SLC5A12: variants seen among roughly 807,000 people sequenced by gnomAD.
The protein encoded by SLC5A12 is solute carrier family 5 member 12, also known as sodium-coupled monocarboxylate transporter 2.
In SLC5A12, 46 loss-of-function variants were observed where a neutral mutation model predicts 72.7. That is an observed-to-expected ratio of 0.63 (90% CI 0.50 to 0.81). The LOEUF is 0.81. Ranked by LOEUF, SLC5A12 falls within the 30% of genes least tolerant of loss-of-function variation. The pLI, the probability that SLC5A12 is intolerant of heterozygous loss-of-function variation, is 0.00. For missense variants in SLC5A12, 683 were observed against 740.7 expected (o/e 0.92, Z 0.90); for synonymous variants, 275 against 264.4 (o/e 1.04, Z -0.39).
At chr11:26,681,254 T>G (rs937411343) in intron 11 of SLC5A12, 33 bp from the exon 12 acceptor site, 11 of 1,506,882 alleles carry the variant, frequency 7.3e-6, no homozygotes, top group Middle Eastern at 4.6e-4. Context: ...AATGGGAAAT[T>G]TGGCAAAGCT....
intron 4 of SLC5A12, among the ~76,000 whole-genome samples, chr11:26,707,924 G>A (rs377061173): frequency 4.6e-5 from 7 of 151,862 alleles, no homozygotes; most frequent in East Asian, 1.9e-4. Context: ...TGCATCACTG[G>A]AGTAAAACCA....
At chr11:26,677,244 C>T (rs756249889) in intron 13 of SLC5A12, among the ~76,000 whole-genome samples, 1 of 152,066 alleles carries the variant, frequency 6.6e-6, no homozygotes, top group Non-Finnish European at 1.5e-5. Context: ...TAAGACCTGG[C>T]TTATTTGGAG....
chr11:26,719,507 T>C (rs2133228345), intron 1 of SLC5A12, among the ~76,000 whole-genome samples: 1 of 152,290 alleles, frequency 6.6e-6, no homozygotes, highest in African/African-American at 2.4e-5. Context: ...CCCTGCTGTA[T>C]ATAACTGGGC....
chr11:26,703,425 TAC>T (rs10594778), intron 6 of SLC5A12, 104 bp downstream of exon 6: 353 of 880,732 alleles, frequency 4.0e-4, no homozygotes, highest in African/African-American at 2.5e-3. Flanking sequence ...CACACATACA[TAC>T]ACACACACAC....
intron 1 of SLC5A12, among the ~76,000 whole-genome samples, chr11:26,713,198 T>G (rs1001125541): frequency 1.3e-5 from 2 of 152,122 alleles, no homozygotes; most frequent in Non-Finnish European, 2.9e-5. Context: ...TTTTCTCAAA[T>G]TCTTCAACAA....
Position 26,670,916 on chromosome 11 carries a change from A to T in SLC5A12, c.*186T>A, listed in dbSNP as rs7128122. On this transcript the variant is annotated 3_prime_UTR_variant, in exon 15 of 15. Transcript: ENST00000396005. Reference sequence around the variant, plus strand: ...TTCTCTGTGAAAGTTGGAGTCTTTCAAAGAATATCCCGAGAGACAGTCATT... The same window carrying T: ...TTCTCTGTGAAAGTTGGAGTCTTTCTAAGAATATCCCGAGAGACAGTCATT... The T allele has an allele frequency of 0.26, 123,373 of 473,800 alleles. 16,693 individuals are homozygous for T. Among genetic ancestry groups the T allele is most frequent in the East Asian group, 0.39 (10,335 of 26,792 alleles). 29.3% of individuals were successfully genotyped at this position (473,800 alleles called of 1,614,324 possible).
rs1052358078 is a variant in SLC5A12, at chr11:26,668,210, C to CA, written c.*2891dup. On this transcript the variant is annotated 3_prime_UTR_variant, in exon 15 of 15. Coordinates refer to ENST00000396005, the MANE Select transcript of SLC5A12 (RefSeq NM_178498.4). ...TTGTAGTTCTTATTCCAAATGGTGACAAAAAATGTCTGTCATCAAAATGAA... is the reference window on the plus strand; with the variant it reads ...TTGTAGTTCTTATTCCAAATGGTGACAAAAAAATGTCTGTCATCAAAATGAA... 1 of 151,798 alleles carries CA rather than the reference C, an allele frequency of 6.6e-6. No individual in the cohort carries two copies. The highest frequency in any genetic ancestry group is 2.4e-5 in the African/African-American group (1 of 41,364). 9.4% of individuals were successfully genotyped at this position (151,798 alleles called of 1,614,324 possible).
intron 3 of SLC5A12, among the ~76,000 whole-genome samples, chr11:26,711,035 T>C (rs1023518327): frequency 6.6e-6 from 1 of 152,074 alleles, no homozygotes; most frequent in Non-Finnish European, 1.5e-5. Flanking sequence ...ATAATTCCAA[T>C]GATTTAAAAA....
At chr11:26,709,471 G>A (rs1855169837) in intron 3 of SLC5A12, 92 bp from the exon 4 acceptor site, 2 of 935,404 alleles carry the variant, frequency 2.1e-6, no homozygotes, top group Admixed American at 2.5e-5. Flanking sequence ...ATTTTTATCA[G>A]TGTTCTTTGT....
rs1350112713 is a variant in SLC5A12 at position 26,692,627 on chromosome 11, T to C, written c.1041-26A>G. The C allele has an allele frequency of 7.1e-6, 11 of 1,539,586 alleles. No individual in the cohort carries two copies. In the South Asian group the frequency reaches 1.0e-4, roughly 14 times the overall value. On this transcript the variant is annotated intron_variant, in intron 8 of 14. Coordinates refer to ENST00000396005, the MANE Select transcript of SLC5A12 (RefSeq NM_178498.4). ...CTATAAGGAAAGAAAAGTGAGAACA[T>C]GGTCTAAGCTATATAAGGCGGAGCT...
upstream of SLC5A12, among the ~76,000 whole-genome samples, chr11:26,722,904 C>G (rs12224615): frequency 0.032 from 4,876 of 150,600 alleles, 188 homozygotes; most frequent in African/African-American, 0.093. Context: ...CTCTGTGAAG[C>G]TTTTCTGCCT....
chr11:26,712,999 A>G (rs956545236), intron 1 of SLC5A12, among the ~76,000 whole-genome samples: 1 of 152,060 alleles, frequency 6.6e-6, no homozygotes, highest in African/African-American at 2.4e-5. Context: ...TAGTGGACTC[A>G]CTGAAGCCAT....
At chr11:26,709,478 T>C (rs934402675) in intron 3 of SLC5A12, 99 bp from the exon 4 acceptor site, 6 of 846,910 alleles carry the variant, frequency 7.1e-6, no homozygotes, top group African/African-American at 1.7e-5. Flanking sequence ...TCAGTGTTCT[T>C]TGTAGGCAAA....
chr11:26,703,446 A>ACAC (rs1554994289), intron 6 of SLC5A12, 85 bp downstream of exon 6: 1 of 1,087,504 alleles, frequency 9.2e-7, no homozygotes, highest in Non-Finnish European at 1.3e-6. Flanking sequence ...ACACACACAC[A>ACAC]CCCCCCAAGA....
intron 13 of SLC5A12, among the ~76,000 whole-genome samples, chr11:26,674,913 T>A (rs183116512): frequency 2.8e-4 from 43 of 152,308 alleles, no homozygotes; most frequent in African/African-American, 9.9e-4. Flanking sequence ...TTATTCTCAT[T>A]TCATGGATGA....
chr11:26,692,448 A>C (rs372181913), intron 9 of SLC5A12, 41 bp downstream of exon 9: 30 of 1,362,488 alleles, frequency 2.2e-5, no homozygotes, highest in Admixed American at 8.4e-5. Context: ...CCACATGTAC[A>C]TTTCATGATA....
chr11:26,721,261 T>A, intron 1 of SLC5A12, 115 bp downstream of exon 1: 1 of 793,552 alleles, frequency 1.3e-6, no homozygotes, highest in Non-Finnish European at 2.0e-6. Flanking sequence ...CATTTTAATG[T>A]CTTTCTCATA....
At chr11:26,711,266 T>TA in intron 3 of SLC5A12, 41 bp downstream of exon 3, 4 of 1,566,826 alleles carry the variant, frequency 2.6e-6, no homozygotes, top group Non-Finnish European at 3.5e-6. Context: ...AATTCAGGCA[T>TA]AAAAATGGTA....
At chr11:26,674,236 AGTT>A (rs1251010960) in intron 13 of SLC5A12, among the ~76,000 whole-genome samples, 5 of 151,712 alleles carry the variant, frequency 3.3e-5, no homozygotes, top group African/African-American at 1.2e-4. Context: ...ATTCAAGGAT[AGTT>A]ATTAGTCCCA....
Sources: gnomAD v4.1 joint callset for allele counts (sites outside exome capture counted in the v4.1 genomes callset) on GRCh38, gnomAD v4.1.1 for gene constraint, MANE v1.5 for transcripts, NCBI Gene and HGNC (gene_info 2026-07-23, HGNC 2026-07-21) for gene names.